Variants in COP1 observed in about 807,000 individuals in gnomAD.
COP1 encodes the protein COP1 E3 ubiquitin ligase.
In COP1, 24 loss-of-function variants were observed where a neutral mutation model predicts 101.3. That is an observed-to-expected ratio of 0.24 (90% CI 0.17 to 0.33). The LOEUF (loss-of-function observed/expected upper bound fraction) is 0.33, where lower values mean the gene tolerates loss of function less well. Among genes scored for constraint, COP1 ranks in the 10% least tolerant of loss-of-function variants. The probability of loss-of-function intolerance (pLI) is 1.00; values close to 1 mark genes in which losing one functional copy is unlikely to be tolerated. For missense variants in COP1, 663 were observed against 906.2 expected, an observed-to-expected ratio of 0.73 and a Z score of 3.45; for synonymous variants, 347 against 341.9, an observed-to-expected ratio of 1.01 and a Z score of -0.17.
intron 15 of COP1, among the ~76,000 whole-genome samples, chr1:176,010,445 T>C (rs904527647): frequency 4.6e-5 from 7 of 152,256 alleles, no homozygotes; most frequent in African/African-American, 1.2e-4. Flanking sequence ...TCTGGCCTAT[T>C]ATATAAAACA....
At position 176,053,288 on chromosome 1, in the gene COP1, A is replaced by G. The variant is rs142132211; in HGVS notation, c.1278-6964T>C. Among the ~76,000 whole-genome samples the G allele has an allele frequency of 2.6e-3, 399 of 152,272 alleles. 3 individuals carry two copies. Among genetic ancestry groups the G allele is most frequent in the African/African-American group, 9.2e-3 (381 of 41,576 alleles). On this transcript the variant is annotated intron_variant, in intron 11 of 19. Coordinates refer to ENST00000367669, the MANE Select transcript of COP1 (RefSeq NM_022457.7). ...TTCAAATAGGCCTGGAAGTAAATTC[A>G]GTGTGCTTACTATACATAGCTTCTT... is the stretch of plus-strand genomic sequence containing the variant.
In COP1 at chr1:176,113,181, C is replaced by T. The variant is rs925215946; in HGVS notation, c.1026+3443G>A. 3.9e-5 allele frequency among the ~76,000 whole-genome samples: 6 copies of T among 152,284 alleles called. No homozygotes were observed. In the South Asian group the frequency reaches 1.0e-3, roughly 26 times the overall value. On this transcript the variant is annotated intron_variant, in intron 9 of 19. Coordinates refer to ENST00000367669, the MANE Select transcript of COP1 (RefSeq NM_022457.7). ...ACATTCTCATCAGTATAGGGGCATT[C>T]ACTCTTTCTCCACGTCCTTTCTAAC...
At chr1:175,966,007 A>G (rs899222775) in intron 18 of COP1, among the ~76,000 whole-genome samples, 1 of 152,182 alleles carries the variant, frequency 6.6e-6, no homozygotes, top group Non-Finnish European at 1.5e-5. Context: ...AGACATTCAA[A>G]CATAGGTTCC....
At chr1:176,166,319 G>A (rs1244686513) in intron 3 of COP1, among the ~76,000 whole-genome samples, 4 of 152,034 alleles carry the variant, frequency 2.6e-5, no homozygotes, top group African/African-American at 9.7e-5. Flanking sequence ...TAGAGACAGG[G>A]TTTCACCATG....
At chr1:175,961,801 C>T (rs1357337) in intron 18 of COP1, among the ~76,000 whole-genome samples, 114,135 of 150,714 alleles carry the variant, frequency 0.76, 44,874 homozygotes, top group East Asian at 0.92. Context: ...AAAGGCTTCA[C>T]AGATTAGGTC....
At chr1:176,007,828 C>G (rs1277112035) in intron 15 of COP1, among the ~76,000 whole-genome samples, 2 of 152,192 alleles carry the variant, frequency 1.3e-5, no homozygotes, top group East Asian at 1.9e-4. Flanking sequence ...AGAGGTGGAG[C>G]CTACAGAGGC....
At chr1:176,181,974 A>G (rs569665059) in intron 2 of COP1, among the ~76,000 whole-genome samples, 6 of 152,330 alleles carry the variant, frequency 3.9e-5, no homozygotes, top group African/African-American at 1.4e-4. Context: ...TATTTAAGAA[A>G]GCAATGGGGC....
At chr1:176,204,687 G>C (rs1221856576) in intron 1 of COP1, among the ~76,000 whole-genome samples, 5 of 152,186 alleles carry the variant, frequency 3.3e-5, no homozygotes, top group African/African-American at 1.2e-4. Flanking sequence ...ACCTTGGGAG[G>C]CCGAGGCGAG....
chr1:176,165,395 T>TGG (rs1553302025), intron 3 of COP1, among the ~76,000 whole-genome samples: 5,925 of 142,672 alleles, frequency 0.042, 648 homozygotes, highest in Admixed American at 0.096. Context: ...TGTGTGTGTG[T>TGG]GTGTGTGTGT....
chr1:176,203,751 C>T (rs961929666), intron 1 of COP1, among the ~76,000 whole-genome samples: 18 of 152,078 alleles, frequency 1.2e-4, no homozygotes, highest in Non-Finnish European at 1.2e-4. Flanking sequence ...AAAAATGCAA[C>T]CTAAACCCCT....
intron 11 of COP1, among the ~76,000 whole-genome samples, chr1:176,061,122 A>G (rs1674758976): frequency 6.6e-6 from 1 of 152,372 alleles, no homozygotes; most frequent in Middle Eastern, 3.4e-3. Context: ...ATACAGATCA[A>G]TACAACAGAA....
At chr1:176,167,224 GA>G (rs1474812186) in intron 3 of COP1, among the ~76,000 whole-genome samples, 3 of 152,070 alleles carry the variant, frequency 2.0e-5, no homozygotes, top group African/African-American at 7.2e-5. Context: ...TTACAAACAA[GA>G]ATAGCAAAAT....
intron 18 of COP1, 104 bp from the exon 19 acceptor site, chr1:175,947,343 G>T: frequency 1.3e-6 from 1 of 757,580 alleles, no homozygotes; most frequent in South Asian, 1.5e-5. Flanking sequence ...CAATTCCTAA[G>T]ACAATTGAAT....
At position 176,095,811 on chromosome 1, in the gene COP1, G is replaced by C. The variant is rs141727637; in HGVS notation, c.1027-9921C>G. Among the ~76,000 whole-genome samples the C allele has an allele frequency of 2.6e-3, 399 of 152,090 alleles. 3 individuals are homozygous for C. The highest frequency in any genetic ancestry group is 9.2e-3 in the African/African-American group (381 of 41,466). ...AAATAAAGGCAACAGCACCAAATCC[G>C]ACTGGTAGACACTGTTCTTCATTAC... On this transcript the variant is annotated intron_variant, in intron 9 of 19. Coordinates refer to ENST00000367669, the MANE Select transcript of COP1 (RefSeq NM_022457.7).
intron 15 of COP1, among the ~76,000 whole-genome samples, chr1:175,994,528 C>T (rs1361698206): frequency 6.6e-6 from 1 of 151,696 alleles, no homozygotes; most frequent in Non-Finnish European, 1.5e-5. Context: ...CACATAGGCT[C>T]AAAATAAAAG....
intron 8 of COP1, among the ~76,000 whole-genome samples, chr1:176,117,482 C>G (rs1028474736): frequency 9.2e-5 from 14 of 152,326 alleles, no homozygotes; most frequent in African/African-American, 3.1e-4. Context: ...CTATCTCCCT[C>G]TCATCTTTAA....
At chr1:176,137,551 T>C (rs977159320) in intron 6 of COP1, among the ~76,000 whole-genome samples, 8 of 152,148 alleles carry the variant, frequency 5.3e-5, no homozygotes, top group African/African-American at 1.4e-4. Flanking sequence ...CTAATACTTA[T>C]ATATTACTGA....
chr1:176,053,548 C>T (rs189316716), intron 11 of COP1, among the ~76,000 whole-genome samples: 53 of 152,276 alleles, frequency 3.5e-4, no homozygotes, highest in African/African-American at 1.3e-3. Flanking sequence ...TTCCTCTTCT[C>T]CAAAGATCTT....
At chr1:176,059,985 T>C (rs1192602905) in intron 11 of COP1, among the ~76,000 whole-genome samples, 2 of 152,238 alleles carry the variant, frequency 1.3e-5, no homozygotes, top group Admixed American at 6.5e-5. Context: ...TTAAACTGTT[T>C]TTTTAATAGC....
Sources: allele counts gnomAD v4.1 joint callset (sites outside exome capture counted in the v4.1 genomes callset), GRCh38; gene constraint gnomAD v4.1.1; transcripts MANE v1.5; gene names NCBI Gene and HGNC (gene_info 2026-07-23, HGNC 2026-07-21).